INTS11: variants seen among roughly 807,000 people sequenced by gnomAD.
INTS11 encodes integrator complex subunit 11.
Under a neutral mutation model 78.6 loss-of-function variants are expected in INTS11, and 77 were observed. The ratio of observed to expected loss-of-function variants is 0.98; its 90% CI spans 0.81 to 1.18. INTS11 has a LOEUF of 1.18. Among genes scored for constraint, INTS11 ranks in the 50% most tolerant of loss-of-function variants. The pLI, the probability that INTS11 is intolerant of heterozygous loss-of-function variation, is 0.00. For synonymous variants in INTS11, 441 were observed against 326.9 expected (o/e 1.35, Z -3.77); for missense variants, 875 against 825.9 (o/e 1.06, Z -0.73).
chr1:1,312,205 G>GGGGGA, intron 15 of INTS11, 21 bp downstream of exon 15: 1 of 1,180,160 alleles, frequency 8.5e-7, no homozygotes, highest in South Asian at 1.4e-5. Context: ...GAGTGGGGGG[G>GGGGGA]GGGCGGGGCC....
Position 1,313,608 on chromosome 1 carries a change from G to A in INTS11, c.958-16C>T, listed in dbSNP as rs1237180740. 2 of 1,612,806 alleles carry A rather than the reference G, an allele frequency of 1.2e-6. No homozygotes were observed. Among genetic ancestry groups the A allele is most frequent in the Non-Finnish European group, 8.5e-7 (1 of 1,179,960 alleles). The stretch of plus-strand genomic sequence containing the variant: ...CAAACACAACCTACAGGACACACAG[G>A]GCCAGGTGGGGGGTCAGGGCAGCAG... On this transcript the variant is annotated splice_polypyrimidine_tract_variant and intron_variant, in intron 9 of 16. Transcript: ENST00000435064.
At position 1,312,213 on chromosome 1, in the gene INTS11, G is replaced by GCCGGCCCCCCCCCCCCCCCCCCCCCCCCC; in HGVS notation, c.1607+12_1607+13insGGGGGGGGGGGGGGGGGGGGGGGGGCCGG. On this transcript the variant is annotated intron_variant, in intron 15 of 16. Transcript: ENST00000435064. ...CCCAAGGGAGTGGGGGGGGGGCGGG[G>GCCGGCCCCCCCCCCCCCCCCCCCCCCCCC]CCGGGCGCCCACCTCTTGAGGTGGC... The GCCGGCCCCCCCCCCCCCCCCCCCCCCCCC allele has an allele frequency of 1.1e-6, 1 of 934,628 alleles. No individual in the cohort carries two copies. The highest frequency in any genetic ancestry group is 1.6e-6 in the Non-Finnish European group (1 of 636,676). 57.9% of individuals were successfully genotyped at this position (934,628 alleles called of 1,614,324 possible). A position where few individuals can be genotyped will look rare whatever the true frequency, so the allele number is the denominator to read the frequency against.
chr1:1,315,460 C>T (rs1557636147), intron 5 of INTS11, 22 bp from the exon 6 acceptor site: 3 of 1,613,044 alleles, frequency 1.9e-6, no homozygotes, highest in South Asian at 2.2e-5. Context: ...TCAAGGATGC[C>T]ATGAGGAGGG....
chr1:1,317,213 A>G (rs1303928877), intron 4 of INTS11: 3 of 151,862 alleles, frequency 2.0e-5, no homozygotes, highest in Non-Finnish European at 4.4e-5. Context: ...AACATGGTGA[A>G]ACCCCCGTCT....
intron 1 of INTS11, chr1:1,321,937 A>G: frequency 7.2e-7 from 1 of 1,387,106 alleles, no homozygotes; most frequent in South Asian, 1.7e-5. Context: ...GAAGTGTCCA[A>G]AGCCAGCACC....
In INTS11 at chr1:1,320,479, G is replaced by A. The variant is rs540007320; in HGVS notation, c.177C>T (p.Asp59=). Residue 59 remains aspartate (D), a synonymous_variant, in exon 3 of 17, where the codon GAC becomes GAT. Transcript: ENST00000435064. ...ACCTAATGATCACACAGTCCAGGAAGTCTGTTAGGCGGCCGTTCTGGGTGA... is the reference window on the plus strand; with the variant it reads ...ACCTAATGATCACACAGTCCAGGAAATCTGTTAGGCGGCCGTTCTGGGTGA... ...SYITQNGRLT[D]FLDCVIISHF... 121 of 1,614,006 alleles carry A rather than the reference G, an allele frequency of 7.5e-5. No individual in the cohort carries two copies. In the East Asian group the frequency reaches 2.7e-3, roughly 36 times the overall value.
chr1:1,321,360 C>T (rs1279223728), intron 1 of INTS11, among the ~76,000 whole-genome samples: 1 of 152,232 alleles, frequency 6.6e-6, no homozygotes, highest in Non-Finnish European at 1.5e-5. Context: ...TGGCCACGGC[C>T]TGCTGGCTAA....
At chr1:1,321,898 T>TACCCCCCCCCCC in intron 1 of INTS11, 1 of 1,141,980 alleles carries the variant, frequency 8.8e-7, no homozygotes, top group Middle Eastern at 2.2e-4. Context: ...TCCCCTTGAA[T>TACCCCCCCCCCC]CCCACCCACC....
At chr1:1,320,579 T>C in intron 2 of INTS11, 50 bp from the exon 3 acceptor site, 2 of 1,592,786 alleles carry the variant, frequency 1.3e-6, no homozygotes, top group Non-Finnish European at 1.7e-6. Context: ...CCAGGCAGCA[T>C]CTGGGGCCAC....
chr1:1,320,803 G>A (rs1038829806), intron 2 of INTS11, 193 bp downstream of exon 2: 10 of 721,810 alleles, frequency 1.4e-5, no homozygotes, highest in Non-Finnish European at 1.7e-5. Context: ...GGGGCTCAGC[G>A]CCAGCACAGG....
intron 1 of INTS11, chr1:1,323,138 T>C: frequency 6.5e-7 from 1 of 1,548,120 alleles, no homozygotes; most frequent in African/African-American, 1.4e-5. Flanking sequence ...CACAGCACAG[T>C]GTCCACACCG....
intron 6 of INTS11, 92 bp from the exon 7 acceptor site, chr1:1,315,054 A>C: frequency 6.7e-7 from 1 of 1,492,144 alleles, no homozygotes; most frequent in Non-Finnish European, 9.2e-7. Context: ...TACCACGCCC[A>C]GCCGCCTTCC....
At position 1,314,345 on chromosome 1, in the gene INTS11, C is replaced by T. The variant is rs758735561; in HGVS notation, c.723G>A (p.Ala241=). ...RGGKVLIPVF[A]LGRAQELCIL... ...TGCAGAGCTCCTGGGCGCGGCCCAGCGCGAACACAGGTATCAGCACCTGAG... is the reference window on the plus strand; with the variant it reads ...TGCAGAGCTCCTGGGCGCGGCCCAGTGCGAACACAGGTATCAGCACCTGAG... The change falls in exon 8 of 17, where the codon GCG becomes GCA. Residue 241 remains alanine (A), a synonymous_variant. Coordinates refer to ENST00000435064, the MANE Select transcript of INTS11 (RefSeq NM_017871.6). This position sits in a 1 kb window ranked among gnomAD's most constrained non-coding sequence, Gnocchi z 4.2. The T allele has an allele frequency of 3.9e-5, 62 of 1,607,402 alleles. No homozygotes were observed. The highest frequency in any genetic ancestry group is 1.0e-4 in the South Asian group (9 of 90,090).
At chr1:1,315,058 G>T in intron 6 of INTS11, 96 bp from the exon 7 acceptor site, 1 of 1,448,350 alleles carries the variant, frequency 6.9e-7, no homozygotes, top group Non-Finnish European at 9.5e-7. Flanking sequence ...ACGCCCAGCC[G>T]CCTTCCTAGG....
At chr1:1,323,088 G>A in intron 1 of INTS11, 2 of 1,499,316 alleles carry the variant, frequency 1.3e-6, no homozygotes, top group Non-Finnish European at 9.0e-7. Context: ...CATGCAAACA[G>A]CTGCAAAATG....
intron 1 of INTS11, chr1:1,323,252 G>C: frequency 6.4e-7 from 1 of 1,550,390 alleles, no homozygotes. Flanking sequence ...CTGCCCGGTG[G>C]AAGGACCAGG....
chr1:1,313,656 C>T (rs910894352), intron 9 of INTS11, 64 bp from the exon 10 acceptor site: 17 of 1,610,988 alleles, frequency 1.1e-5, no homozygotes, highest in Non-Finnish European at 1.4e-5. Flanking sequence ...CCACTGCAGG[C>T]CCAAGCCCAG....
At chr1:1,317,546 G>T in intron 4 of INTS11, 2 of 663,806 alleles carry the variant, frequency 3.0e-6, no homozygotes, top group Non-Finnish European at 3.7e-6. Context: ...TCAAGAGGTT[G>T]AACGTCAGGC....
intron 3 of INTS11, chr1:1,319,786 G>C (rs1642838441): frequency 1.4e-5 from 7 of 507,856 alleles, no homozygotes; most frequent in Non-Finnish European, 2.5e-5. Context: ...AGCTGCTGAG[G>C]GAACCGCGCA....
Sources: gnomAD v4.1 joint callset for allele counts (sites outside exome capture counted in the v4.1 genomes callset) on GRCh38, gnomAD v4.1.1 for gene constraint, Gnocchi (gnomAD v3.1) non-coding constraint, MANE v1.5 for transcripts, NCBI Gene and HGNC (gene_info 2026-07-23, HGNC 2026-07-21) for gene names.